Variants in RHBDL3 observed in about 807,000 individuals in gnomAD.
The protein encoded by RHBDL3 is rhomboid-related protein 3.
In RHBDL3, 28 loss-of-function variants were observed where a neutral mutation model predicts 48.2. The observed-to-expected ratio is 0.58, with a 90% CI of 0.43 to 0.80. RHBDL3 has a LOEUF of 0.80. RHBDL3 is among the 30% of genes least tolerant of loss of function. The pLI, the probability that RHBDL3 is intolerant of heterozygous loss-of-function variation, is 0.00. For synonymous variants in RHBDL3, 208 were observed against 232.3 expected (o/e 0.90, Z 0.95); for missense variants, 464 against 542.7 (o/e 0.85, Z 1.44).
At chr17:32,275,712 T>C (rs1374649190) in intron 2 of RHBDL3, among the ~76,000 whole-genome samples, 1 of 152,160 alleles carries the variant, frequency 6.6e-6, no homozygotes, top group East Asian at 1.9e-4. Flanking sequence ...GCTGTTCGAC[T>C]TTGGGCAAGG....
chr17:32,310,029 G>A (rs373391645), intron 7 of RHBDL3, among the ~76,000 whole-genome samples: 2 of 151,852 alleles, frequency 1.3e-5, no homozygotes, highest in Non-Finnish European at 2.9e-5. Context: ...GATTACAGGC[G>A]TGAGCCACCA....
intron 2 of RHBDL3, among the ~76,000 whole-genome samples, chr17:32,273,167 T>C (rs1391762063): frequency 1.3e-5 from 2 of 152,132 alleles, no homozygotes; most frequent in Non-Finnish European, 2.9e-5. Flanking sequence ...GGCCTGGCTA[T>C]TTTTTGGTAT....
chr17:32,284,822 G>C lies in RHBDL3; in HGVS notation c.294+5G>C. ...TACCAGGATTTTGTCAGCCTAGTGA[G>C]TGCTCTGGGGCCCTTGGTACTCGGG... On this transcript the variant is annotated splice_donor_5th_base_variant and intron_variant, in intron 3 of 8. Transcript: ENST00000269051. 1.2e-6 allele frequency: 2 copies of C among 1,613,082 alleles called. No individual in the cohort carries two copies. Among genetic ancestry groups the C allele is most frequent in the Non-Finnish European group, 1.7e-6 (2 of 1,179,426 alleles).
intron 7 of RHBDL3, among the ~76,000 whole-genome samples, chr17:32,311,603 G>A (rs888658545): frequency 2.0e-5 from 3 of 152,144 alleles, no homozygotes; most frequent in South Asian, 2.1e-4. Flanking sequence ...TAAAGTGTGC[G>A]GCAGAGGGAT....
intron 4 of RHBDL3, among the ~76,000 whole-genome samples, chr17:32,292,157 A>G (rs1286107310): frequency 2.0e-5 from 3 of 150,018 alleles, no homozygotes; most frequent in Admixed American, 1.3e-4. Flanking sequence ...GGAGTCCCAG[A>G]AAAAAAAAAG....
rs574281019 is a variant in RHBDL3, at chr17:32,321,904, G to A, written c.*675G>A. On this transcript the variant is annotated 3_prime_UTR_variant, in exon 9 of 9. Transcript: ENST00000269051. ...TACCCAGTGAGAGGGACCCATGCAG[G>A]GGGAATAAACTTCATTCCAAGTTCC... 6.4e-6 allele frequency: 1 copy of A among 155,482 alleles called. No individual in the cohort carries two copies. The highest frequency in any genetic ancestry group is 1.9e-4 in the East Asian group (1 of 5,296). The allele number at this position is 155,482 out of a possible 1,614,324, so 9.6% of individuals were successfully genotyped here.
intron 2 of RHBDL3, among the ~76,000 whole-genome samples, chr17:32,278,127 G>A (rs909925750): frequency 4.6e-5 from 7 of 151,890 alleles, no homozygotes; most frequent in Non-Finnish European, 7.4e-5. Context: ...GTGAAACCTC[G>A]TCTCTACTAA....
At chr17:32,310,865 C>A (rs1230719964) in intron 7 of RHBDL3, among the ~76,000 whole-genome samples, 3 of 134,510 alleles carry the variant, frequency 2.2e-5, no homozygotes, top group African/African-American at 8.7e-5. Context: ...GCCTGGGCGA[C>A]AGAGTCAGGC....
At position 32,320,926 on chromosome 17, in the gene RHBDL3, C is replaced by T. The variant is rs1181942444; in HGVS notation, c.944-32C>T. Reference sequence around the variant, plus strand: ...CCCTCAGCCCCTGCTCAGGGCCCTCCTGTGACATCTCTCTGCTTCCTCCCC... The same window carrying T: ...CCCTCAGCCCCTGCTCAGGGCCCTCTTGTGACATCTCTCTGCTTCCTCCCC... On this transcript the variant is annotated intron_variant, in intron 8 of 8. Coordinates refer to ENST00000269051, the MANE Select transcript of RHBDL3 (RefSeq NM_138328.3). The T allele has an allele frequency of 1.3e-5, 21 of 1,567,474 alleles. No individual in the cohort carries two copies. In the Admixed American group the frequency reaches 3.4e-4, roughly 25 times the overall value.
rs115952148 is a variant in RHBDL3 at position 32,308,102 on chromosome 17, C to A, written c.882+2661C>A. On this transcript the variant is annotated intron_variant, in intron 7 of 8. Coordinates refer to ENST00000269051, the MANE Select transcript of RHBDL3 (RefSeq NM_138328.3). ...GGACCATGGAGTAGGGCACGTTTGTCGAGAGAGGTGTGAGAGCAGTTTTGT... is the reference window on the plus strand; with the variant it reads ...GGACCATGGAGTAGGGCACGTTTGTAGAGAGAGGTGTGAGAGCAGTTTTGT... 7.8e-3 allele frequency among the ~76,000 whole-genome samples: 1,187 copies of A among 152,248 alleles called. 17 individuals are homozygous for A. The highest frequency in any genetic ancestry group is 0.027 in the African/African-American group (1,129 of 41,542).
intron 8 of RHBDL3, among the ~76,000 whole-genome samples, chr17:32,320,632 C>T (rs1159330687): frequency 6.6e-6 from 1 of 152,218 alleles, no homozygotes; most frequent in Non-Finnish European, 1.5e-5. Flanking sequence ...CCAAATGTCA[C>T]CTCTTTAGAG....
chr17:32,266,289 G>A lies in RHBDL3; in HGVS notation c.100G>A (p.Ala34Thr). The A allele has an allele frequency of 6.8e-7, 1 of 1,464,684 alleles. No individual in the cohort carries two copies. The highest frequency in any genetic ancestry group is 1.3e-5 in the South Asian group (1 of 77,596). 90.7% of individuals were successfully genotyped at this position (1,464,684 alleles called of 1,614,324 possible). ...CGAGGCCGAGGAGCGGCTGCCCGCG[G>A]CGCCGGAGGACGTGAGTGCCCCCTC... ...EPEAEERLPA[A>T]PEDHWKVLFD... The change falls in exon 1 of 9, where the codon GCG (alanine) becomes ACG (threonine). Residue 34 changes from alanine to threonine, a missense_variant. Physicochemically the swap from Ala to Thr is moderately conservative, Grantham distance 58. Coordinates refer to ENST00000269051, the MANE Select transcript of RHBDL3 (RefSeq NM_138328.3).
At chr17:32,320,682 T>G (rs568022947) in intron 8 of RHBDL3, among the ~76,000 whole-genome samples, 1 of 152,360 alleles carries the variant, frequency 6.6e-6, no homozygotes, top group Non-Finnish European at 1.5e-5. Context: ...ATTTCCCTCC[T>G]TAAAACAGGC....
At chr17:32,286,641 TCCTTTGTGAG>T (rs1322855303) in intron 3 of RHBDL3, among the ~76,000 whole-genome samples, 1 of 152,240 alleles carries the variant, frequency 6.6e-6, no homozygotes, top group Non-Finnish European at 1.5e-5. Context: ...CTCCTCTGCA[TCCTTTGTGAG>T]CCTTTATCTG....
chr17:32,302,923 G>A (rs1336775868), intron 6 of RHBDL3, among the ~76,000 whole-genome samples: 3 of 152,202 alleles, frequency 2.0e-5, no homozygotes, highest in Non-Finnish European at 2.9e-5. Flanking sequence ...GGGCGTCCCT[G>A]AAAAGTTTCC....
intron 6 of RHBDL3, among the ~76,000 whole-genome samples, chr17:32,302,850 C>T (rs1287589751): frequency 2.0e-5 from 3 of 152,222 alleles, no homozygotes; most frequent in African/African-American, 7.2e-5. Context: ...CACTGGCAAA[C>T]TGTTCTCTAG....
intron 8 of RHBDL3, among the ~76,000 whole-genome samples, chr17:32,316,864 T>A (rs761054965): frequency 8.2e-5 from 12 of 146,630 alleles, no homozygotes; most frequent in South Asian, 4.2e-4. Context: ...TATTTTATTT[T>A]ATTTATTTTA....
At chr17:32,297,280 T>C (rs1260224239) in intron 5 of RHBDL3, among the ~76,000 whole-genome samples, 151 of 152,160 alleles carry the variant, frequency 9.9e-4, no homozygotes, top group South Asian at 9.3e-3. Flanking sequence ...CCAGCCTGCC[T>C]AACATGGTGA....
chr17:32,285,417 G>A (rs777603395), intron 3 of RHBDL3, among the ~76,000 whole-genome samples: 2 of 152,094 alleles, frequency 1.3e-5, no homozygotes, highest in Non-Finnish European at 2.9e-5. Context: ...GGGAGGGTCA[G>A]TGCAGCATGT....
Sources: gnomAD v4.1 joint callset for allele counts (sites outside exome capture counted in the v4.1 genomes callset) on GRCh38, gnomAD v4.1.1 for gene constraint, MANE v1.5 for transcripts, NCBI Gene and HGNC (gene_info 2026-07-23, HGNC 2026-07-21) for gene names.